The following KAZALD1 variants were observed in gnomAD, a reference collection of about 807,000 sequenced individuals.
KAZALD1 encodes kazal-type serine protease inhibitor domain-containing protein 1.
Under a neutral mutation model 27.7 loss-of-function variants are expected in KAZALD1, and 31 were observed. The observed-to-expected ratio is 1.12, with a 90% CI of 0.84 to 1.51. The LOEUF is 1.51. KAZALD1 is among the 40% of genes most tolerant of loss of function. KAZALD1 has a pLI of 0.00. For missense variants in KAZALD1, 444 were observed against 408.9 expected, an observed-to-expected ratio of 1.09 and a Z score of -0.74; for synonymous variants, 179 against 182.0, an observed-to-expected ratio of 0.98 and a Z score of 0.13.
chr10:101,064,236 T>G, intron 2 of KAZALD1, 25 bp from the exon 3 acceptor site: 1 of 1,613,544 alleles, frequency 6.2e-7, no homozygotes, highest in Non-Finnish European at 8.5e-7. Flanking sequence ...CATGCTATTC[T>G]CAGACCTCCC....
At chr10:101,062,216 T>G in intron 1 of KAZALD1, 101 bp downstream of exon 1, 1 of 257,650 alleles carries the variant, frequency 3.9e-6, no homozygotes. Context: ...CCCATTCTCT[T>G]TGGGCAAGGA....
downstream of KAZALD1, chr10:101,067,203 G>A (rs760554719): frequency 2.4e-5 from 11 of 450,862 alleles, no homozygotes; most frequent in South Asian, 9.3e-5. Flanking sequence ...TCCCGGTTTC[G>A]CCTGCCCACG....
In KAZALD1 at chr10:101,065,458, A is replaced by G. The variant is rs1222389777; in HGVS notation, c.*538A>G. ...TGCTGTCTGCCGTCTTTTGTACAAG[A>G]GAGAGAACAGCGGAGCATGACTTAG... is the stretch of plus-strand genomic sequence containing the variant. On this transcript the variant is annotated 3_prime_UTR_variant, in exon 5 of 5. Coordinates refer to ENST00000370200, the MANE Select transcript of KAZALD1 (RefSeq NM_030929.5). 9 of 168,362 alleles carry G rather than the reference A, an allele frequency of 5.3e-5. No homozygotes were observed. The highest frequency in any genetic ancestry group is 5.0e-4 in the Admixed American group (9 of 18,154). The allele number at this position is 168,362 out of a possible 1,614,324, so 10.4% of individuals were successfully genotyped here.
intron 2 of KAZALD1, among the ~76,000 whole-genome samples, chr10:101,063,767 A>G (rs1270995420): frequency 1.3e-5 from 2 of 152,364 alleles, no homozygotes; most frequent in South Asian, 2.1e-4. Flanking sequence ...CTGTCGCACA[A>G]GTCCAGCTTC....
downstream of KAZALD1, chr10:101,067,911 C>T: frequency 2.1e-6 from 1 of 471,386 alleles, no homozygotes; most frequent in Non-Finnish European, 4.4e-6. Context: ...GGGGGGATGG[C>T]GCGGGCGGTG....
In KAZALD1 at chr10:101,062,834, A is replaced by C. The variant is rs1939199328; in HGVS notation, c.242A>C (p.Glu81Ala). 6.3e-7 allele frequency: 1 copy of C among 1,590,578 alleles called. No homozygotes were observed. Among genetic ancestry groups the C allele is most frequent in the East Asian group, 2.3e-5 (1 of 43,730 alleles). ...RVRDACGCCWECANLEGQLCD... is the reference protein window; with the variant it reads ...RVRDACGCCWACANLEGQLCD... ...CGCGACGCGTGCGGCTGCTGCTGGG[A>C]ATGCGCCAACCTCGAGGGCCAGCTC... Residue 81 changes from glutamate (E) to alanine (A), a missense_variant, in exon 2 of 5, where the codon GAA becomes GCA. Glu to Ala is a moderately radical substitution (Grantham distance 107, BLOSUM62 -1). Transcript: ENST00000370200.
downstream of KAZALD1, chr10:101,068,073 A>C (rs1939371785): frequency 6.6e-6 from 3 of 455,718 alleles, no homozygotes; most frequent in South Asian, 4.8e-5. Flanking sequence ...GACCTGGGCC[A>C]GGGGCCTTGA....
chr10:101,066,349 A>T lies in KAZALD1; in HGVS notation c.*1429A>T. ...GGGTGTGGTCCGGAACTCCAACCCC[A>T]GGTCCTGCTTGGCCGCCCCTCCCGC... On this transcript the variant is annotated 3_prime_UTR_variant, in exon 5 of 5. Coordinates refer to ENST00000370200, the MANE Select transcript of KAZALD1 (RefSeq NM_030929.5). 1 of 456,000 alleles carries T rather than the reference A, an allele frequency of 2.2e-6. No individual in the cohort carries two copies. Among genetic ancestry groups the T allele is most frequent in the Admixed American group, 2.4e-5 (1 of 42,530 alleles). The allele number at this position is 456,000 out of a possible 1,614,324, so 28.2% of individuals were successfully genotyped here. A position where few individuals can be genotyped will look rare whatever the true frequency, so the allele number is the denominator to read the frequency against.
chr10:101,062,813 A>G lies in KAZALD1; in HGVS notation c.221A>G (p.Asp74Gly), dbSNP rs751236612. ...GGCTGCCTGGCGGGCAGGGTGCGCGACGCGTGCGGCTGCTGCTGGGAATGC... is the reference window on the plus strand; with the variant it reads ...GGCTGCCTGGCGGGCAGGGTGCGCGGCGCGTGCGGCTGCTGCTGGGAATGC... ...PRGCLAGRVRDACGCCWECAN... is the reference protein window; with the variant it reads ...PRGCLAGRVRGACGCCWECAN... Residue 74 changes from aspartate to glycine, a missense_variant, in exon 2 of 5, where the codon GAC becomes GGC. Coordinates refer to ENST00000370200, the MANE Select transcript of KAZALD1 (RefSeq NM_030929.5). The G allele has an allele frequency of 8.8e-6, 14 of 1,584,184 alleles. No homozygotes were observed. The South Asian group carries it at 1.6e-4, about 18-fold the overall frequency.
chr10:101,064,287 G>C lies in KAZALD1; in HGVS notation c.538G>C (p.Asp180His). The C allele has an allele frequency of 1.9e-6, 3 of 1,614,142 alleles. No homozygotes were observed. The highest frequency in any genetic ancestry group is 2.5e-6 in the Non-Finnish European group (3 of 1,180,020). The change falls in exon 3 of 5, where the codon GAC becomes CAC. Residue 180 changes from aspartate to histidine, a missense_variant. By Grantham distance (81) the Asp-to-His change is moderately conservative (BLOSUM62 -1). Coordinates refer to ENST00000370200, the MANE Select transcript of KAZALD1 (RefSeq NM_030929.5). ...GCCCCAGATCGTGTCACATCCATATGACACTTGGAATGTGACAGGGCAGGA... is the reference window on the plus strand; with the variant it reads ...GCCCCAGATCGTGTCACATCCATATCACACTTGGAATGTGACAGGGCAGGA... ...SGPQIVSHPY[D>H]TWNVTGQDVI...
Position 101,065,024 on chromosome 10 carries a change from C to A in KAZALD1, c.*104C>A. The A allele has an allele frequency of 1.3e-6, 1 of 777,644 alleles. No homozygotes were observed. The allele number at this position is 777,644 out of a possible 1,614,324, so 48.2% of individuals were successfully genotyped here. ...GCAGGGTCCCTTCATCGACTGCTTT[C>A]ATGCTGTCAGTAGGGATGATCATGG... On this transcript the variant is annotated 3_prime_UTR_variant, in exon 5 of 5. Coordinates refer to ENST00000370200, the MANE Select transcript of KAZALD1 (RefSeq NM_030929.5).
chr10:101,067,727 T>C (rs1252673673), downstream of KAZALD1: 4 of 359,148 alleles, frequency 1.1e-5, no homozygotes, highest in Non-Finnish European at 2.3e-5. Flanking sequence ...GCCCAGCCCC[T>C]GGCGCCCTGG....
At chr10:101,064,025 T>G (rs964040646) in intron 2 of KAZALD1, among the ~76,000 whole-genome samples, 1 of 152,226 alleles carries the variant, frequency 6.6e-6, no homozygotes, top group Non-Finnish European at 1.5e-5. Context: ...TGAGGTTCTA[T>G]GTGCACATGT....
At chr10:101,067,143 G>A (rs1349366528), downstream of KAZALD1, 7 of 386,120 alleles carry the variant, frequency 1.8e-5, no homozygotes, top group Admixed American at 2.9e-5. Flanking sequence ...GCAGGGGAGG[G>A]GGAGGGAGGG....
At position 101,062,932 on chromosome 10, in the gene KAZALD1, G is replaced by T. The variant is rs1198795268; in HGVS notation, c.340G>T (p.Gly114Cys). Residue 114 changes from glycine to cysteine, a missense_variant, in exon 2 of 5, where the codon GGC (glycine) becomes TGC (cysteine). Gly to Cys is a radical substitution (Grantham distance 159). Coordinates refer to ENST00000370200, the MANE Select transcript of KAZALD1 (RefSeq NM_030929.5). ...EQLECRLDTGGDLSRGEVPEP... is the reference protein window; with the variant it reads ...EQLECRLDTGCDLSRGEVPEP... Reference sequence around the variant, plus strand: ...GCTTGAGTGCCGGCTGGACACAGGCGGCGACCTGAGCCGCGGAGAGGTGCC... The same window carrying T: ...GCTTGAGTGCCGGCTGGACACAGGCTGCGACCTGAGCCGCGGAGAGGTGCC... 1 of 1,602,440 alleles carries T rather than the reference G, an allele frequency of 6.2e-7. No individual in the cohort carries two copies. The highest frequency in any genetic ancestry group is 8.5e-7 in the Non-Finnish European group (1 of 1,179,538).
At position 101,064,908 on chromosome 10, in the gene KAZALD1, C is replaced by G; in HGVS notation, c.903C>G (p.Asp301Glu). ...AGGAGGCTGAGAGTGAAGAGAATGA[C>G]GATTACTACTAGGTCCAGAGCTCTG... ...PEEEAESEEN[D>E]DYY The change falls in exon 5 of 5, where the codon GAC becomes GAG. Residue 301 changes from aspartate to glutamate, a missense_variant. Asp to Glu is a conservative substitution (Grantham distance 45, BLOSUM62 2). Coordinates refer to ENST00000370200, the MANE Select transcript of KAZALD1 (RefSeq NM_030929.5). 6.2e-7 allele frequency: 1 copy of G among 1,612,438 alleles called. No individual in the cohort carries two copies. The highest frequency in any genetic ancestry group is 8.5e-7 in the Non-Finnish European group (1 of 1,178,520).
At position 101,062,952 on chromosome 10, in the gene KAZALD1, G is replaced by C. The variant is rs200907211; in HGVS notation, c.360G>C (p.Glu120Asp). The C allele has an allele frequency of 5.3e-4, 842 of 1,602,160 alleles. No homozygotes were observed. The highest frequency in any genetic ancestry group is 6.6e-4 in the Non-Finnish European group (776 of 1,179,466). Reference sequence around the variant, plus strand: ...CAGGCGGCGACCTGAGCCGCGGAGAGGTGCCGGAACCTCTGTGTGCCTGTC... The same window carrying C: ...CAGGCGGCGACCTGAGCCGCGGAGACGTGCCGGAACCTCTGTGTGCCTGTC... Reference protein sequence around the residue: ...LDTGGDLSRGEVPEPLCACRS... With the variant: ...LDTGGDLSRGDVPEPLCACRS... The change falls in exon 2 of 5, where the codon GAG becomes GAC. Residue 120 changes from glutamate to aspartate, a missense_variant. By Grantham distance (45) the Glu-to-Asp change is conservative. Transcript: ENST00000370200.
chr10:101,067,799 T>G (rs1221768835), downstream of KAZALD1: 1 of 394,660 alleles, frequency 2.5e-6, no homozygotes, highest in Non-Finnish European at 5.2e-6. Context: ...AGAGCGCCCC[T>G]CAAAAAGAAG....
Position 101,064,818 on chromosome 10 carries a change from G to T in KAZALD1, c.821-8G>T. ...TGTTCTCTCTTCTTTGCCCATGTGT[G>T]TTTGCAGACCAGCTGAACTCTACAG... On this transcript the variant is annotated splice_region_variant and splice_polypyrimidine_tract_variant and intron_variant, in intron 4 of 4. Transcript: ENST00000370200. 6.2e-7 allele frequency: 1 copy of T among 1,613,936 alleles called. No homozygotes were observed. The highest frequency in any genetic ancestry group is 1.1e-5 in the South Asian group (1 of 91,076).
Sources: gnomAD v4.1 joint callset for allele counts (sites outside exome capture counted in the v4.1 genomes callset) on GRCh38, gnomAD v4.1.1 for gene constraint, MANE v1.5 for transcripts, NCBI Gene and HGNC (gene_info 2026-07-23, HGNC 2026-07-21) for gene names.